Variants in NALF1 observed in about 807,000 individuals in gnomAD.
NALF1 encodes the protein family with sequence similarity 155 member A.
In NALF1, 3 loss-of-function variants were observed where a neutral mutation model predicts 48.4. That is an observed-to-expected ratio of 0.06 (90% CI 0.03 to 0.16). The LOEUF (loss-of-function observed/expected upper bound fraction) is 0.16. Among genes scored for constraint, NALF1 ranks in the 10% least tolerant of loss-of-function variants. The probability of loss-of-function intolerance (pLI) is 1.00; values close to 1 mark genes in which losing one functional copy is unlikely to be tolerated. For synonymous variants in NALF1, 262 were observed against 245.7 expected (o/e 1.07, Z -0.62); for missense variants, 526 against 571.5 (o/e 0.92, Z 0.81).
intron 1 of NALF1, among the ~76,000 whole-genome samples, chr13:107,423,901 A>C (rs906545565): frequency 2.0e-5 from 3 of 152,076 alleles, no homozygotes; most frequent in African/African-American, 7.2e-5. Flanking sequence ...TTAATCTTCA[A>C]ATTATTTACT....
intron 1 of NALF1, among the ~76,000 whole-genome samples, chr13:107,683,834 C>T (rs969880753): frequency 1.2e-5 from 1 of 83,932 alleles, no homozygotes; most frequent in Non-Finnish European, 2.7e-5. Context: ...GCTGGACTCC[C>T]AGTGGAACAC....
chr13:107,267,716 T>C (rs1355450633), intron 1 of NALF1, among the ~76,000 whole-genome samples: 1 of 152,182 alleles, frequency 6.6e-6, no homozygotes, highest in African/African-American at 2.4e-5. Context: ...AGAACAATTA[T>C]AACAATATGC....
intron 1 of NALF1, among the ~76,000 whole-genome samples, chr13:107,818,591 G>A (rs1044566014): frequency 1.3e-5 from 2 of 151,870 alleles, no homozygotes; most frequent in African/African-American, 4.8e-5. Context: ...ATCCAGTTGA[G>A]GCCGGGCGCG....
chr13:107,693,328 T>TGGGGGGGGG (rs1566446153), intron 1 of NALF1, among the ~76,000 whole-genome samples: 36 of 55,964 alleles, frequency 6.4e-4, no homozygotes, highest in Non-Finnish European at 9.3e-4. Context: ...TGTCGTAGGG[T>TGGGGGGGGG]AGGGGGGGCG....
intron 1 of NALF1, among the ~76,000 whole-genome samples, chr13:107,440,397 C>T (rs765807328): frequency 5.3e-5 from 8 of 152,256 alleles, no homozygotes; most frequent in Admixed American, 2.6e-4. Context: ...ATAGGTGGCG[C>T]GACGAAGCCA....
intron 1 of NALF1, among the ~76,000 whole-genome samples, chr13:107,760,340 AGAG>A (rs1877229916): frequency 6.6e-6 from 1 of 152,290 alleles, no homozygotes; most frequent in African/African-American, 2.4e-5. Context: ...TTATTGTGAA[AGAG>A]AAGAGAAAGG....
At chr13:107,238,004 T>C (rs990278758) in intron 1 of NALF1, among the ~76,000 whole-genome samples, 3 of 152,120 alleles carry the variant, frequency 2.0e-5, no homozygotes, top group African/African-American at 7.2e-5. Flanking sequence ...GTGTAAAATC[T>C]CCCATAAGGG....
intron 1 of NALF1, among the ~76,000 whole-genome samples, chr13:107,711,683 G>C (rs900683224): frequency 2.0e-5 from 3 of 152,156 alleles, no homozygotes; most frequent in Non-Finnish European, 4.4e-5. Flanking sequence ...GTTCCATAAG[G>C]TCTGTGTGGT....
intron 1 of NALF1, among the ~76,000 whole-genome samples, chr13:107,633,352 G>A (rs74645767): frequency 1.3e-4 from 20 of 151,900 alleles, no homozygotes; most frequent in East Asian, 5.8e-4. Flanking sequence ...AGAAAATCAC[G>A]CATCTCTTCA....
chr13:107,826,515 A>G (rs745934251), intron 1 of NALF1, among the ~76,000 whole-genome samples: 7 of 152,248 alleles, frequency 4.6e-5, no homozygotes, highest in Non-Finnish European at 8.8e-5. Context: ...GAAGACGCCA[A>G]CGGGGCTCCA....
rs138322369 is a variant in NALF1 at position 107,815,668 on chromosome 13, A to G, written c.915+50014T>C. 2.5e-3 allele frequency among the ~76,000 whole-genome samples: 387 copies of G among 152,296 alleles called. 7 individuals carry two copies. Among genetic ancestry groups the G allele is most frequent in the East Asian group, 0.023 (118 of 5,178 alleles). ...CTAAGAGAAATTAAAACATATGTTCACACAAAAACCTGTTCTTGGATATTC... is the reference window on the plus strand; with the variant it reads ...CTAAGAGAAATTAAAACATATGTTCGCACAAAAACCTGTTCTTGGATATTC... On this transcript the variant is annotated intron_variant, in intron 1 of 2. Coordinates refer to ENST00000375915, the MANE Select transcript of NALF1 (RefSeq NM_001080396.3).
chr13:107,210,692 T>C lies in NALF1; in HGVS notation c.979A>G (p.Thr327Ala). 1 of 1,612,104 alleles carries C rather than the reference T, an allele frequency of 6.2e-7. No individual in the cohort carries two copies. Among genetic ancestry groups the C allele is most frequent in the Non-Finnish European group, 8.5e-7 (1 of 1,178,110 alleles). ...AAACAGTATTGCTTGCAAGGAATTGTCTTTCTGCAGTTAAACTGTGTGACT... is the reference window on the plus strand; with the variant it reads ...AAACAGTATTGCTTGCAAGGAATTGCCTTTCTGCAGTTAAACTGTGTGACT... ...FEVTQFNCRK[T>A]IPCKQYCLEV... is the part of the protein sequence containing the mutation. The change falls in exon 2 of 3, where the codon ACA (threonine) becomes GCA (alanine). Residue 327 changes from threonine to alanine, a missense_variant. Physicochemically the swap from Thr to Ala is moderately conservative, Grantham distance 58. Coordinates refer to ENST00000375915, the MANE Select transcript of NALF1 (RefSeq NM_001080396.3).
intron 1 of NALF1, among the ~76,000 whole-genome samples, chr13:107,443,054 AT>A (rs1384795971): frequency 6.6e-6 from 1 of 152,218 alleles, no homozygotes; most frequent in Non-Finnish European, 1.5e-5. Context: ...AGAAGGCAGC[AT>A]TTGTGGTGGG....
chr13:107,171,176 T>A (rs1009797689), intron 2 of NALF1, among the ~76,000 whole-genome samples: 4 of 152,198 alleles, frequency 2.6e-5, no homozygotes, highest in African/African-American at 7.2e-5. Context: ...CATTAGCTAG[T>A]TATGCTGAGT....
rs1340320250 is a variant in NALF1 at position 107,491,647 on chromosome 13, T to G, written c.916-280892A>C. Among the ~76,000 whole-genome samples, 3 of 152,136 alleles carry G rather than the reference T, an allele frequency of 2.0e-5. No homozygotes were observed. The East Asian group carries it at 5.8e-4, about 29-fold the overall frequency. ...AAACCAACCACATCAGAAACTACTG[T>G]TAAAAAAACTCATCTGTCTCTACCT... On this transcript the variant is annotated intron_variant, in intron 1 of 2. Coordinates refer to ENST00000375915, the MANE Select transcript of NALF1 (RefSeq NM_001080396.3).
At chr13:107,755,699 C>T (rs545881968) in intron 1 of NALF1, among the ~76,000 whole-genome samples, 1 of 152,086 alleles carries the variant, frequency 6.6e-6, no homozygotes, top group South Asian at 2.1e-4. Context: ...TTTGATTGCA[C>T]ATGCTTCACA....
intron 1 of NALF1, among the ~76,000 whole-genome samples, chr13:107,415,913 C>G (rs1304409704): frequency 6.6e-6 from 1 of 152,152 alleles, no homozygotes; most frequent in Middle Eastern, 3.2e-3. Context: ...ACCTTCTGCT[C>G]GATGTTGACG....
chr13:107,587,783 G>C (rs1439920209), intron 1 of NALF1, among the ~76,000 whole-genome samples: 1 of 152,088 alleles, frequency 6.6e-6, no homozygotes, highest in Non-Finnish European at 1.5e-5. Context: ...TAGATTAATT[G>C]TTGTCCATAA....
intron 1 of NALF1, among the ~76,000 whole-genome samples, chr13:107,453,904 A>G (rs1160918415): frequency 6.6e-6 from 1 of 152,206 alleles, no homozygotes; most frequent in Non-Finnish European, 1.5e-5. Context: ...ACCCTAAATC[A>G]TCTTTCTCAA....
Sources: allele counts gnomAD v4.1 joint callset (sites outside exome capture counted in the v4.1 genomes callset), GRCh38; gene constraint gnomAD v4.1.1; transcripts MANE v1.5; gene names NCBI Gene and HGNC (gene_info 2026-07-23, HGNC 2026-07-21).